SOX5: variants seen among roughly 807,000 people sequenced by gnomAD.
SOX5 encodes the protein SRY-box transcription factor 5.
A neutral mutation model predicts 92.0 loss-of-function variants in SOX5; 9 were observed. The observed-to-expected ratio is 0.10, with a 90% CI of 0.06 to 0.17. The LOEUF (loss-of-function observed/expected upper bound fraction) is 0.17. Among genes scored for constraint, SOX5 ranks in the 10% least tolerant of loss-of-function variants. The probability of loss-of-function intolerance (pLI) is 1.00; values close to 1 mark genes in which losing one functional copy is unlikely to be tolerated. For synonymous variants in SOX5, 344 were observed against 336.3 expected, an observed-to-expected ratio of 1.02 and a Z score of -0.25; for missense variants, 642 against 944.5, an observed-to-expected ratio of 0.68 and a Z score of 4.20.
intron 1 of SOX5, among the ~76,000 whole-genome samples, chr12:23,933,476 T>C (rs1181658520): frequency 6.6e-6 from 1 of 151,606 alleles, no homozygotes; most frequent in African/African-American, 2.4e-5. Context: ...AATGTTTCTA[T>C]GTCTACAGCA....
chr12:23,896,353 C>T (rs1694262385), intron 1 of SOX5, among the ~76,000 whole-genome samples: 1 of 152,168 alleles, frequency 6.6e-6, no homozygotes. Flanking sequence ...TCTAGTTTTA[C>T]ACTCTGATAG....
At chr12:24,107,869 A>G (rs1190175873) in intron 4 of SOX5, among the ~76,000 whole-genome samples, 4 of 152,196 alleles carry the variant, frequency 2.6e-5, no homozygotes, top group Non-Finnish European at 5.9e-5. Flanking sequence ...TAACATTTAA[A>G]TATCAGGCAA....
At chr12:23,704,702 A>ATATATATATATATATG in intron 6 of SOX5, among the ~76,000 whole-genome samples, 1 of 131,024 alleles carries the variant, frequency 7.6e-6, no homozygotes, top group East Asian at 2.1e-4. Flanking sequence ...ATATATATAT[A>ATATATATATATATATG]TATATATATA....
At chr12:23,643,651 T>C (rs2138820768) in intron 7 of SOX5, among the ~76,000 whole-genome samples, 1 of 152,254 alleles carries the variant, frequency 6.6e-6, no homozygotes, top group East Asian at 1.9e-4. Flanking sequence ...TGAGAAGAAA[T>C]GTAAATTTGG....
chr12:24,334,837 T>C (rs983641795), intron 2 of SOX5, among the ~76,000 whole-genome samples: 8 of 151,832 alleles, frequency 5.3e-5, no homozygotes, highest in African/African-American at 1.7e-4. Context: ...ATTAATCTTA[T>C]GGAAAACTGA....
chr12:24,438,866 GA>G (rs1021124955), intron 1 of SOX5, among the ~76,000 whole-genome samples: 1 of 152,210 alleles, frequency 6.6e-6, no homozygotes, highest in Non-Finnish European at 1.5e-5. Flanking sequence ...GAACATTGTT[GA>G]AAAGGCATCA....
intron 1 of SOX5, among the ~76,000 whole-genome samples, chr12:24,370,034 T>C (rs1956561730): frequency 1.3e-5 from 2 of 152,184 alleles, no homozygotes; most frequent in African/African-American, 4.8e-5. Context: ...GATATAGAAA[T>C]TGTTTTGGGG....
intron 6 of SOX5, among the ~76,000 whole-genome samples, chr12:23,688,368 T>A (rs1413115687): frequency 6.6e-6 from 1 of 152,084 alleles, no homozygotes; most frequent in Non-Finnish European, 1.5e-5. Flanking sequence ...TCTGATACAC[T>A]CTCAGTATTG....
chr12:24,513,821 C>T (rs938895458), intron 1 of SOX5, among the ~76,000 whole-genome samples: 2 of 152,172 alleles, frequency 1.3e-5, no homozygotes, highest in Non-Finnish European at 2.9e-5. Context: ...GGATAGGAAA[C>T]CTTAGAGATT....
intron 3 of SOX5, among the ~76,000 whole-genome samples, chr12:23,771,429 C>T (rs543124143): frequency 3.3e-5 from 5 of 152,258 alleles, no homozygotes; most frequent in South Asian, 4.1e-4. Flanking sequence ...AGGCCCCGGC[C>T]GAGTACAGTC....
Position 24,041,687 on chromosome 12 carries a change from TA to T in SOX5, c.-1-145664del, listed in dbSNP as rs144547588. Among the ~76,000 whole-genome samples the T allele has an allele frequency of 7.5e-3, 1,140 of 152,234 alleles. 11 individuals are homozygous for T. Among genetic ancestry groups the T allele is most frequent in the African/African-American group, 0.026 (1,085 of 41,566 alleles). On this transcript the variant is annotated intron_variant, in intron 4 of 4. Transcript: ENST00000446891. ...AACAAAATATTCAAAGATCCTTATGTAAATTAAAACACAGGGGAAATATAAA... is the reference window on the plus strand; with the variant it reads ...AACAAAATATTCAAAGATCCTTATGTAATTAAAACACAGGGGAAATATAAA...
At chr12:23,641,845 T>TA (rs1276170165) in intron 7 of SOX5, among the ~76,000 whole-genome samples, 1 of 152,202 alleles carries the variant, frequency 6.6e-6, no homozygotes, top group Non-Finnish European at 1.5e-5. Context: ...ATCTAATTTA[T>TA]AAAAAATGTG....
intron 2 of SOX5, among the ~76,000 whole-genome samples, chr12:24,320,871 A>AAATAATAAT (rs931920621): frequency 7.4e-5 from 11 of 148,224 alleles, no homozygotes; most frequent in African/African-American, 2.7e-4. Flanking sequence ...TCTCAAAAAA[A>AAATAATAAT]AATAATAATA....
intron 3 of SOX5, among the ~76,000 whole-genome samples, chr12:23,828,735 T>A (rs1367285568): frequency 6.6e-6 from 1 of 151,006 alleles, no homozygotes; most frequent in Non-Finnish European, 1.5e-5. Flanking sequence ...TAGAAGTTGC[T>A]TTTCAAATTC....
At chr12:24,497,814 G>A (rs1947798341) in intron 1 of SOX5, among the ~76,000 whole-genome samples, 1 of 152,120 alleles carries the variant, frequency 6.6e-6, no homozygotes, top group Admixed American at 6.5e-5. Context: ...GTCCATCAAT[G>A]GTAGACTGGA....
rs149390876 is a variant in SOX5, at chr12:24,118,304, A to G, written c.-2+95039T>C. Among the ~76,000 whole-genome samples, 488 of 152,298 alleles carry G rather than the reference A, an allele frequency of 3.2e-3. 5 individuals carry two copies. The highest frequency in any genetic ancestry group is 0.011 in the African/African-American group (460 of 41,566). ...CGGTGAGGTGATGCATATGTTAATT[A>G]GCTTAAGTATTTGTACTATCTACTA... On this transcript the variant is annotated intron_variant, in intron 4 of 4. Coordinates refer to the SOX5 transcript ENST00000446891.
chr12:24,173,436 G>A (rs776820898), intron 4 of SOX5, among the ~76,000 whole-genome samples: 1 of 152,224 alleles, frequency 6.6e-6, no homozygotes, highest in Admixed American at 6.5e-5. Context: ...TAACAGTTAA[G>A]TTGAGCTTGT....
At position 24,323,219 on chromosome 12, in the gene SOX5, A is replaced by G. The variant is rs2136021; in HGVS notation, c.-174+45344T>C. On this transcript the variant is annotated intron_variant, in intron 2 of 4. Transcript: ENST00000446891. ...GTAAGGCAATGTAATAAATTATTCA[A>G]ATAAATGATTTCATTCATTCTCAAA... Among the ~76,000 whole-genome samples the G allele has an allele frequency of 6.3e-3, 960 of 151,780 alleles. 8 individuals are homozygous for G. The highest frequency in any genetic ancestry group is 0.022 in the African/African-American group (911 of 41,412).
Position 24,331,956 on chromosome 12 carries a change from A to C in SOX5, c.-174+36607T>G, listed in dbSNP as rs143998716. 4.1e-3 allele frequency among the ~76,000 whole-genome samples: 612 copies of C among 150,334 alleles called. 5 individuals carry two copies. The highest frequency in any genetic ancestry group is 0.015 in the African/African-American group (591 of 40,604). ...AAAAGGTGTGAATGTTTTATAGAAT[A>C]TAAAAGAAACACCCAGAATATTTGA... On this transcript the variant is annotated intron_variant, in intron 2 of 4. Transcript: ENST00000446891.
Sources: gnomAD v4.1 joint callset for allele counts (sites outside exome capture counted in the v4.1 genomes callset) on GRCh38, gnomAD v4.1.1 for gene constraint, MANE v1.5 for transcripts, NCBI Gene and HGNC (gene_info 2026-07-23, HGNC 2026-07-21) for gene names.